Variants in SLC6A9 observed in about 807,000 individuals in gnomAD.
The protein encoded by SLC6A9 is sodium- and chloride-dependent glycine transporter 1.
Under a neutral mutation model 70.9 loss-of-function variants are expected in SLC6A9, and 31 were observed. That is an observed-to-expected ratio of 0.44 (90% confidence interval 0.33 to 0.59). The LOEUF is 0.59. SLC6A9 is among the 20% of genes least tolerant of loss of function. The pLI is 0.04. For synonymous variants in SLC6A9, 310 were observed against 341.3 expected, an observed-to-expected ratio of 0.91 and a Z score of 1.01; for missense variants, 631 against 845.2, an observed-to-expected ratio of 0.75 and a Z score of 3.14.
intron 2 of SLC6A9, among the ~76,000 whole-genome samples, chr1:44,020,177 G>A (rs1431811479): frequency 3.3e-5 from 5 of 152,198 alleles, no homozygotes; most frequent in African/African-American, 7.2e-5. Flanking sequence ...GCCCTGAGCC[G>A]GGATAGCACT....
intron 1 of SLC6A9, among the ~76,000 whole-genome samples, chr1:44,030,183 C>G (rs904558769): frequency 1.3e-5 from 2 of 152,116 alleles, no homozygotes; most frequent in Admixed American, 6.5e-5. Flanking sequence ...GCAGCGGCAC[C>G]GCCCGCAGCG....
At chr1:44,014,767 C>T (rs981060536) in intron 2 of SLC6A9, 1 of 152,062 alleles carries the variant, frequency 6.6e-6, no homozygotes, top group African/African-American at 2.4e-5. Flanking sequence ...AGGTGAGAGC[C>T]CTGGTGCTCT....
chr1:44,002,221 A>T lies in SLC6A9; in HGVS notation c.962+92T>A. 1.2e-6 allele frequency: 1 copy of T among 838,528 alleles called. No homozygotes were observed. Among genetic ancestry groups the T allele is most frequent in the South Asian group, 1.4e-5 (1 of 71,714 alleles). The allele number at this position is 838,528 out of a possible 1,614,324, so 51.9% of individuals were successfully genotyped here. ...AACCTCAAGATCATGAGGGGAAAGG[A>T]GGCCTCGTGGGCCCATGGCTGCACT... On this transcript the variant is annotated intron_variant, in intron 8 of 13. Transcript: ENST00000372310. This position sits in a 1 kb window ranked among gnomAD's most constrained non-coding sequence, Gnocchi z 5.5.
chr1:44,030,085 C>G (rs1477168406), intron 1 of SLC6A9, among the ~76,000 whole-genome samples: 3 of 152,056 alleles, frequency 2.0e-5, no homozygotes, highest in African/African-American at 7.2e-5. Context: ...GAGAGCAGGC[C>G]CGAAAGGGGG....
chr1:44,030,983 G>C (rs553246845), intron 1 of SLC6A9, among the ~76,000 whole-genome samples: 95 of 151,766 alleles, frequency 6.3e-4, no homozygotes, highest in Middle Eastern at 6.8e-3. Flanking sequence ...TCGAACCGGC[G>C]TCTGGCGCCC....
intron 2 of SLC6A9, chr1:44,011,741 A>C: frequency 6.2e-7 from 1 of 1,613,060 alleles, no homozygotes; most frequent in Non-Finnish European, 8.5e-7. Flanking sequence ...GAGGGGGCCG[A>C]AGGTCAGGAG....
At position 44,017,117 on chromosome 1, in the gene SLC6A9, G is replaced by C. The variant is rs200000132; in HGVS notation, c.31-6235C>G. The C allele has an allele frequency of 2.5e-6, 4 of 1,605,990 alleles. 1 individual carries two copies. Among genetic ancestry groups the C allele is most frequent in the South Asian group, 2.2e-5 (2 of 90,186 alleles). On this transcript the variant is annotated intron_variant, in intron 2 of 13. Transcript: ENST00000372310. ...CCTGGGGCGAGCGATCGCAGCCCGC[G>C]TGTCTCCGCCGCTCATTCACACCTC...
chr1:44,020,353 C>A (rs1325380591), intron 2 of SLC6A9, among the ~76,000 whole-genome samples: 1 of 152,108 alleles, frequency 6.6e-6, no homozygotes, highest in Admixed American at 6.5e-5. Context: ...AGGTGGGGAG[C>A]CCCTGTGGTG....
chr1:44,009,869 G>A (rs997972459), intron 4 of SLC6A9, 96 bp downstream of exon 4: 1 of 1,433,002 alleles, frequency 7.0e-7, no homozygotes, highest in Non-Finnish European at 9.6e-7. Flanking sequence ...CTCTACAGAG[G>A]TCAGCCATGT....
chr1:44,014,191 C>T (rs1218655544), intron 2 of SLC6A9, among the ~76,000 whole-genome samples: 1 of 152,084 alleles, frequency 6.6e-6, no homozygotes, highest in African/African-American at 2.4e-5. Flanking sequence ...GGGAATTAAA[C>T]CATAGCGGCA....
intron 2 of SLC6A9, chr1:44,017,366 AC>A (rs2086786739): frequency 2.6e-4 from 321 of 1,240,156 alleles, no homozygotes; most frequent in Non-Finnish European, 3.0e-4. Flanking sequence ...AGTAACTGGA[AC>A]AACACACACA....
chr1:44,028,122 G>A (rs1425502913), intron 1 of SLC6A9, among the ~76,000 whole-genome samples: 1 of 152,186 alleles, frequency 6.6e-6, no homozygotes, highest in Admixed American at 6.5e-5. Flanking sequence ...AGGGTCTAAA[G>A]AAGTTAATTA....
chr1:44,025,087 T>C (rs1207960686), intron 1 of SLC6A9, among the ~76,000 whole-genome samples: 1 of 152,248 alleles, frequency 6.6e-6, no homozygotes, highest in Non-Finnish European at 1.5e-5. Context: ...TATTTGCTTA[T>C]AAGTTCGTCA....
intron 2 of SLC6A9, 51 bp downstream of exon 2, chr1:44,024,197 G>A: frequency 6.3e-6 from 10 of 1,586,450 alleles, no homozygotes; most frequent in Non-Finnish European, 8.7e-6. Flanking sequence ...AGGTCCTGGG[G>A]GCAGGGCTTG....
intron 2 of SLC6A9, chr1:44,015,871 C>T (rs949104237): frequency 3.2e-5 from 32 of 985,296 alleles, no homozygotes; most frequent in East Asian, 1.1e-4. Flanking sequence ...AAATCTCCCC[C>T]GGGCCGAGCA....
rs201865688 is a variant in SLC6A9, at chr1:44,002,886, G to A, written c.690C>T (p.Leu230=). 1.2e-4 allele frequency: 188 copies of A among 1,614,040 alleles called. 1 individual carries two copies. Among genetic ancestry groups the A allele is most frequent in the Middle Eastern group, 3.3e-4 (2 of 6,084 alleles). Residue 230 remains leucine, a synonymous_variant, in exon 6 of 14, where the codon CTC becomes CTT. Coordinates refer to ENST00000372310, the MANE Select transcript of SLC6A9 (RefSeq NM_001024845.3). This position sits in a 1 kb window ranked among gnomAD's most constrained non-coding sequence, Gnocchi z 5.5. ...AAGACTTGACCCCTCGGATGAGGCA[G>A]AGGAAGACGACCAACCAGGAGACAC... ...CLGVSWLVVF[L]CLIRGVKSSG...
intron 1 of SLC6A9, among the ~76,000 whole-genome samples, chr1:44,029,612 C>A (rs1316588899): frequency 1.3e-5 from 2 of 152,182 alleles, no homozygotes; most frequent in Non-Finnish European, 2.9e-5. Flanking sequence ...CCTACTGTAC[C>A]CCCACGCTTG....
At chr1:44,017,742 A>G (rs991466350) in intron 2 of SLC6A9, among the ~76,000 whole-genome samples, 1 of 152,228 alleles carries the variant, frequency 6.6e-6, no homozygotes, top group Non-Finnish European at 1.5e-5. Flanking sequence ...GGAGAATGCA[A>G]CTGACCATGC....
In SLC6A9 at chr1:44,008,113, CCGCCT is replaced by C. The variant is rs544999363; in HGVS notation, c.590+235_590+239del. ...TCGATCTCCTGACCTCGTGATCTGC[CCGCCT>C]CGGCCTCCCAAAGTGCTGGGATTAC... is the stretch of plus-strand genomic sequence containing the variant. On this transcript the variant is annotated intron_variant, in intron 5 of 13. Coordinates refer to ENST00000372310, the MANE Select transcript of SLC6A9 (RefSeq NM_001024845.3). 1.5e-3 allele frequency among the ~76,000 whole-genome samples: 231 copies of C among 152,234 alleles called. 1 individual carries two copies. Among genetic ancestry groups the C allele is most frequent in the Non-Finnish European group, 2.5e-3 (173 of 68,010 alleles).
Sources: allele counts gnomAD v4.1 joint callset (sites outside exome capture counted in the v4.1 genomes callset), GRCh38; gene constraint gnomAD v4.1.1; non-coding constraint Gnocchi (gnomAD v3.1); transcripts MANE v1.5; gene names NCBI Gene and HGNC (gene_info 2026-07-23, HGNC 2026-07-21).